ZFR2: variants seen among roughly 807,000 people sequenced by gnomAD.
The protein encoded by ZFR2 is zinc finger RNA binding protein 2.
ZFR2 carries 104 observed loss-of-function variants against 105.7 expected under a neutral mutation model. That is an observed-to-expected ratio of 0.98 (90% CI 0.84 to 1.16). The LOEUF (loss-of-function observed/expected upper bound fraction) is 1.16, where lower values mean the gene tolerates loss of function less well. ZFR2 is among the 50% of genes most tolerant of loss of function. The probability of loss-of-function intolerance (pLI) is 0.00; values close to 1 mark genes in which losing one functional copy is unlikely to be tolerated. For missense variants in ZFR2, 1,425 were observed against 1,355.5 expected, an observed-to-expected ratio of 1.05 and a Z score of -0.80; for synonymous variants, 634 against 597.7, an observed-to-expected ratio of 1.06 and a Z score of -0.89.
intron 1 of ZFR2, among the ~76,000 whole-genome samples, chr19:3,836,828 A>G (rs1298180243): frequency 6.6e-6 from 1 of 152,216 alleles, no homozygotes; most frequent in African/African-American, 2.4e-5. Context: ...GTTCAGCTAA[A>G]TATCAGCTAC....
rs1410336195 is a variant in ZFR2, at chr19:3,825,221, C to T, written c.1213+9G>A. On this transcript the variant is annotated intron_variant, in intron 7 of 18. Coordinates refer to ENST00000262961, the MANE Select transcript of ZFR2 (RefSeq NM_015174.2). ...GTGGGTACACGAACACGCATACAGA[C>T]ACACGTACCCTCGCATAAGGCCTTC... 1.3e-6 allele frequency: 2 copies of T among 1,517,302 alleles called. No individual in the cohort carries two copies. The highest frequency in any genetic ancestry group is 2.5e-5 in the Admixed American group (1 of 39,770). 94.0% of individuals were successfully genotyped at this position (1,517,302 alleles called of 1,614,324 possible).
chr19:3,817,508 G>A (rs1488138478), intron 12 of ZFR2, among the ~76,000 whole-genome samples: 2 of 150,828 alleles, frequency 1.3e-5, no homozygotes, highest in African/African-American at 4.9e-5. Flanking sequence ...GCAGTGAGCC[G>A]AGATTGTGTC....
rs1461161193 is a variant in ZFR2, at chr19:3,833,728, C to T, written c.315G>A (p.Arg105=). 5 of 1,583,296 alleles carry T rather than the reference C, an allele frequency of 3.2e-6. No homozygotes were observed. The highest frequency in any genetic ancestry group is 4.3e-6 in the Non-Finnish European group (5 of 1,164,452). ...GGAGGGCAGCAGACTGGAAGTACGGCCTGTCCTCATAGCTCCTGGCAGCTG... is the reference window on the plus strand; with the variant it reads ...GGAGGGCAGCAGACTGGAAGTACGGTCTGTCCTCATAGCTCCTGGCAGCTG... ...QSAAARSYED[R]PYFQSAALQS... The change falls in exon 3 of 19, where the codon AGG becomes AGA. Residue 105 remains arginine, a synonymous_variant. Transcript: ENST00000262961.
chr19:3,841,179 C>T (rs901532631), intron 1 of ZFR2, among the ~76,000 whole-genome samples: 5 of 152,222 alleles, frequency 3.3e-5, no homozygotes, highest in Admixed American at 1.3e-4. Context: ...AGAGCTCCAA[C>T]GTGGTTTCAG....
In ZFR2 at chr19:3,804,436, A is replaced by G; in HGVS notation, c.*1513T>C. On this transcript the variant is annotated 3_prime_UTR_variant, in exon 19 of 19. Coordinates refer to ENST00000262961, the MANE Select transcript of ZFR2 (RefSeq NM_015174.2). ...CAGCCAAGGCCTACATCAGGGAGAG[A>G]GGGAGGAAGGAAGGACGGAAGCTCA... The G allele has an allele frequency of 6.6e-6, 1 of 151,666 alleles. No homozygotes were observed. Among genetic ancestry groups the G allele is most frequent in the Non-Finnish European group, 1.5e-5 (1 of 68,044 alleles). The allele number at this position is 151,666 out of a possible 1,614,324, so 9.4% of individuals were successfully genotyped here. A position where few individuals can be genotyped will look rare whatever the true frequency, so the allele number is the denominator to read the frequency against.
chr19:3,833,694 G>A lies in ZFR2; in HGVS notation c.349C>T (p.Arg117Cys), dbSNP rs1254136814. 1.0e-5 allele frequency: 16 copies of A among 1,571,960 alleles called. No individual in the cohort carries two copies. Among genetic ancestry groups the A allele is most frequent in the South Asian group, 3.5e-5 (3 of 85,612 alleles). Residue 117 changes from arginine to cysteine, a missense_variant, in exon 3 of 19, where the codon CGC becomes TGC. Transcript: ENST00000262961. Reference sequence around the variant, plus strand: ...TGGCCGGAGTCTGCGGCTGTCATGCGCCCAGACTGGAGGGCAGCAGACTGG... The same window carrying A: ...TGGCCGGAGTCTGCGGCTGTCATGCACCCAGACTGGAGGGCAGCAGACTGG... ...YFQSAALQSG[R>C]MTAADSGQPG...
At chr19:3,822,000 G>A (rs1011641058) in intron 9 of ZFR2, 81 bp downstream of exon 9, 4 of 1,504,762 alleles carry the variant, frequency 2.7e-6, no homozygotes, top group Non-Finnish European at 3.6e-6. Context: ...GCGCGGAAGA[G>A]GCCCGACCAC....
intron 2 of ZFR2, 53 bp from the exon 3 acceptor site, chr19:3,833,831 G>C: frequency 7.0e-7 from 1 of 1,437,952 alleles, no homozygotes; most frequent in Non-Finnish European, 9.5e-7. Flanking sequence ...GAGCAGCTCA[G>C]GCGGTGGGTG....
Position 3,827,509 on chromosome 19 carries a change from C to T in ZFR2, c.997G>A (p.Ala333Thr), listed in dbSNP as rs757720623. ...GATCCCCGGATGTGGGCCGCGTAGG[C>T]GTCCGCCCCGGTGCAGGACACGGCG... The part of the protein sequence containing the change: ...LCAVSCTGAD[A>T]YAAHIRGSKH... The change falls in exon 6 of 19, where the codon GCC becomes ACC. Residue 333 changes from alanine to threonine, a missense_variant. Coordinates refer to ENST00000262961, the MANE Select transcript of ZFR2 (RefSeq NM_015174.2). The T allele has an allele frequency of 3.0e-5, 46 of 1,556,036 alleles. No individual in the cohort carries two copies. The Middle Eastern group carries it at 9.5e-4, about 32-fold the overall frequency.
At chr19:3,821,551 T>G in intron 9 of ZFR2, 72 bp from the exon 10 acceptor site, 3 of 1,394,982 alleles carry the variant, frequency 2.2e-6, no homozygotes, top group South Asian at 1.6e-5. Flanking sequence ...GATCTTGGGG[T>G]GCAGGGAGAG....
chr19:3,815,149 G>A (rs916968158), intron 13 of ZFR2, among the ~76,000 whole-genome samples: 2 of 152,068 alleles, frequency 1.3e-5, no homozygotes, highest in African/African-American at 4.8e-5. Context: ...GAGTGCAGTG[G>A]CACTATCTCT....
chr19:3,833,319 G>A (rs1202967872), intron 3 of ZFR2, among the ~76,000 whole-genome samples: 5 of 151,726 alleles, frequency 3.3e-5, no homozygotes, highest in African/African-American at 7.3e-5. Context: ...GCTCACGCCT[G>A]TAATCGCAGC....
Position 3,806,487 on chromosome 19 carries a change from C to A in ZFR2, c.2644-362G>T, listed in dbSNP as rs538125612. On this transcript the variant is annotated intron_variant, in intron 18 of 18. Coordinates refer to ENST00000262961, the MANE Select transcript of ZFR2 (RefSeq NM_015174.2). ...ATGTTGGCCAGGCTGGTCTCGAACT[C>A]CTGACCTTGTGATCCGCCCGCCTCG... 3.9e-5 allele frequency among the ~76,000 whole-genome samples: 6 copies of A among 152,314 alleles called. No homozygotes were observed. The East Asian group carries it at 1.2e-3, about 29-fold the overall frequency.
At position 3,831,465 on chromosome 19, in the gene ZFR2, C is replaced by CG; in HGVS notation, c.689dup (p.Gln231AlafsTer178). On this transcript the variant is annotated frameshift_variant, in exon 5 of 19. Transcript: ENST00000262961. LOFTEE classifies it high-confidence loss of function. ...GCGCGGGCGGCGGGGGCAGCTGCTG[C>CG]GGGGGTCCCGGGGGAGGCGGGGGCT... The CG allele has an allele frequency of 6.5e-7, 1 of 1,549,118 alleles. No individual in the cohort carries two copies. Among genetic ancestry groups the CG allele is most frequent in the Non-Finnish European group, 8.7e-7 (1 of 1,147,174 alleles).
At chr19:3,824,133 CA>C (rs201595705) in intron 7 of ZFR2, among the ~76,000 whole-genome samples, 9 of 150,900 alleles carry the variant, frequency 6.0e-5, no homozygotes, top group African/African-American at 1.9e-4. Context: ...CCCACCTCTA[CA>C]AAAAAAAATA....
At chr19:3,850,310 T>A (rs2038224721) in intron 1 of ZFR2, among the ~76,000 whole-genome samples, 1 of 151,786 alleles carries the variant, frequency 6.6e-6, no homozygotes, top group Admixed American at 6.6e-5. Flanking sequence ...CTGTCCTGGG[T>A]GCTGAGGGAC....
intron 1 of ZFR2, among the ~76,000 whole-genome samples, chr19:3,868,702 C>A (rs2038463499): frequency 6.6e-6 from 1 of 151,978 alleles, no homozygotes; most frequent in Non-Finnish European, 1.5e-5. Flanking sequence ...ACTTCAGGAG[C>A]CCCCTCCCGC....
intron 1 of ZFR2, among the ~76,000 whole-genome samples, chr19:3,857,644 C>T (rs146055933): frequency 0.018 from 2,671 of 147,530 alleles, 40 homozygotes; most frequent in Middle Eastern, 0.035. Context: ...TGCTGTGAGC[C>T]GAGATTGCGC....
chr19:3,807,278 C>A lies in ZFR2; in HGVS notation c.2546-9G>T, dbSNP rs56083710. 1.3e-6 allele frequency: 2 copies of A among 1,549,048 alleles called. No individual in the cohort carries two copies. The highest frequency in any genetic ancestry group is 1.7e-6 in the Non-Finnish European group (2 of 1,144,438). ...CTGGAGCCCGGGCCCGTCTTTGTGA[C>A]GGGGAGTGGGAACAGCAAAGAAGGC... On this transcript the variant is annotated splice_polypyrimidine_tract_variant and intron_variant, in intron 17 of 18. Coordinates refer to ENST00000262961, the MANE Select transcript of ZFR2 (RefSeq NM_015174.2).
Sources: gnomAD v4.1 joint callset for allele counts (sites outside exome capture counted in the v4.1 genomes callset) on GRCh38, gnomAD v4.1.1 for gene constraint, MANE v1.5 for transcripts, NCBI Gene and HGNC (gene_info 2026-07-23, HGNC 2026-07-21) for gene names.